Variants in WWC1 observed in about 807,000 individuals in gnomAD.
The protein encoded by WWC1 is WW and C2 domain containing 1.
A neutral mutation model predicts 138.4 loss-of-function variants in WWC1; 55 were observed. That is an observed-to-expected ratio of 0.40 (90% CI 0.32 to 0.50). The LOEUF is 0.50. Ranked by LOEUF, WWC1 falls within the 20% of genes least tolerant of loss-of-function variation. The pLI, the probability that WWC1 is intolerant of heterozygous loss-of-function variation, is 0.72. For synonymous variants in WWC1, 524 were observed against 564.9 expected (o/e 0.93, Z 1.03); for missense variants, 1,226 against 1,420.4 (o/e 0.86, Z 2.20).
chr5:168,466,576 A>G (rs1157123701), intron 21 of WWC1, among the ~76,000 whole-genome samples: 3 of 152,208 alleles, frequency 2.0e-5, no homozygotes, highest in Non-Finnish European at 2.9e-5. Flanking sequence ...GGGAGCTTCA[A>G]ACTGACTCTG....
chr5:168,357,323 C>CAT (rs1236720859), intron 1 of WWC1, among the ~76,000 whole-genome samples: 1 of 151,204 alleles, frequency 6.6e-6, no homozygotes, highest in Non-Finnish European at 1.5e-5. Flanking sequence ...CACACACACA[C>CAT]ACACACACAC....
At chr5:168,411,524 C>G (rs148162671) in intron 8 of WWC1, 4 of 152,314 alleles carry the variant, frequency 2.6e-5, no homozygotes, top group African/African-American at 9.6e-5. Flanking sequence ...AGATACCTAG[C>G]TTCAGGCACA....
intron 1 of WWC1, among the ~76,000 whole-genome samples, chr5:168,361,803 T>C (rs1456006739): frequency 6.6e-6 from 1 of 152,166 alleles, no homozygotes; most frequent in Non-Finnish European, 1.5e-5. Context: ...AATAAATCAC[T>C]GGGTGCGGTG....
chr5:168,468,925 C>T, intron 22 of WWC1, 26 bp from the exon 23 acceptor site: 2 of 1,613,354 alleles, frequency 1.2e-6, no homozygotes, highest in Non-Finnish European at 1.7e-6. Context: ...AAAACCCCTG[C>T]TCTAAAGGGA....
chr5:168,426,259 C>T (rs1269781861), intron 11 of WWC1, among the ~76,000 whole-genome samples: 1 of 152,140 alleles, frequency 6.6e-6, no homozygotes, highest in Non-Finnish European at 1.5e-5. Flanking sequence ...GGTGGCAAGC[C>T]TCAGAAAATT....
At chr5:168,311,775 A>G (rs1966489) in intron 1 of WWC1, among the ~76,000 whole-genome samples, 130,526 of 152,112 alleles carry the variant, frequency 0.86, 56,512 homozygotes, top group East Asian at 1. Context: ...TACTCAGGAG[A>G]CTGAGGCAGG....
At chr5:168,368,569 A>G (rs1234558955) in intron 1 of WWC1, among the ~76,000 whole-genome samples, 1 of 152,144 alleles carries the variant, frequency 6.6e-6, no homozygotes, top group Non-Finnish European at 1.5e-5. Context: ...ATGAGCCAGA[A>G]TGATCTCTCT....
intron 1 of WWC1, among the ~76,000 whole-genome samples, chr5:168,308,462 G>A (rs1282523994): frequency 6.6e-6 from 1 of 152,186 alleles, no homozygotes; most frequent in Non-Finnish European, 1.5e-5. Flanking sequence ...CATCTATAGT[G>A]ATGCCTCTTC....
At chr5:168,368,682 C>T (rs1334862965) in intron 1 of WWC1, among the ~76,000 whole-genome samples, 1 of 152,126 alleles carries the variant, frequency 6.6e-6, no homozygotes, top group Non-Finnish European at 1.5e-5. Context: ...CCTTCAGAGC[C>T]CCTTTCAAGG....
chr5:168,419,876 G>A (rs1780953300), intron 9 of WWC1, among the ~76,000 whole-genome samples: 1 of 152,210 alleles, frequency 6.6e-6, no homozygotes, highest in African/African-American at 2.4e-5. Context: ...TGGTCCAAAA[G>A]CCAGAGGTCT....
chr5:168,391,090 C>T (rs1210752024), intron 3 of WWC1, among the ~76,000 whole-genome samples: 1 of 152,208 alleles, frequency 6.6e-6, no homozygotes, highest in Non-Finnish European at 1.5e-5. Context: ...CAGTCAAATG[C>T]TAAGGCTCTT....
At chr5:168,368,432 C>T (rs1007649533) in intron 1 of WWC1, among the ~76,000 whole-genome samples, 2 of 152,180 alleles carry the variant, frequency 1.3e-5, no homozygotes, top group African/African-American at 4.8e-5. Flanking sequence ...ATGATCTATA[C>T]GCAGAAACAG....
intron 10 of WWC1, among the ~76,000 whole-genome samples, chr5:168,423,195 A>C (rs183442728): frequency 1.5e-3 from 233 of 151,348 alleles, no homozygotes; most frequent in Admixed American, 4.5e-3. Flanking sequence ...ATTTCAAGAA[A>C]GATATTAAGA....
At chr5:168,392,524 A>G (rs1306324924) in intron 3 of WWC1, among the ~76,000 whole-genome samples, 1 of 152,068 alleles carries the variant, frequency 6.6e-6, no homozygotes, top group Admixed American at 6.5e-5. Flanking sequence ...CCAACTCTAC[A>G]AAAAATTTAA....
chr5:168,314,252 C>T (rs1254357308), intron 1 of WWC1, among the ~76,000 whole-genome samples: 2 of 152,154 alleles, frequency 1.3e-5, no homozygotes, highest in Non-Finnish European at 2.9e-5. Context: ...CAAAGTAAGT[C>T]ACAGGCTGCC....
rs780919064 is a variant in WWC1, at chr5:168,444,526, A to G, written c.2466A>G (p.Ala822=). 1 of 1,601,284 alleles carries G rather than the reference A, an allele frequency of 6.2e-7. No individual in the cohort carries two copies. Among genetic ancestry groups the G allele is most frequent in the African/African-American group, 1.3e-5 (1 of 74,784 alleles). The change falls in exon 17 of 23, where the codon GCA becomes GCG. Residue 822 remains alanine, a synonymous_variant. Transcript: ENST00000265293. The part of the protein sequence containing the change: ...DAVSALLEQT[A]VELEKRQEGR... Reference sequence around the variant, plus strand: ...TGTCTGCTCTGTTGGAACAGACAGCAGTGGAGCTGGAGAAGAGGCAGGAGG... The same window carrying G: ...TGTCTGCTCTGTTGGAACAGACAGCGGTGGAGCTGGAGAAGAGGCAGGAGG...
At chr5:168,307,303 T>C (rs528781487) in intron 1 of WWC1, among the ~76,000 whole-genome samples, 36 of 152,312 alleles carry the variant, frequency 2.4e-4, no homozygotes, top group Admixed American at 2.0e-3. Context: ...TACCATCACG[T>C]AGGTCAGGCC....
At chr5:168,426,984 G>A (rs1781553437) in intron 11 of WWC1, among the ~76,000 whole-genome samples, 1 of 152,258 alleles carries the variant, frequency 6.6e-6, no homozygotes, top group South Asian at 2.1e-4. Flanking sequence ...CACGTGTTGA[G>A]TGCTTAGTTA....
intron 1 of WWC1, among the ~76,000 whole-genome samples, chr5:168,300,352 T>A (rs1259862667): frequency 6.6e-6 from 1 of 151,108 alleles, no homozygotes; most frequent in Non-Finnish European, 1.5e-5. Context: ...TCTCTAAAGA[T>A]GCAGGATGGG....
Sources: allele counts gnomAD v4.1 joint callset (sites outside exome capture counted in the v4.1 genomes callset), GRCh38; gene constraint gnomAD v4.1.1; transcripts MANE v1.5; gene names NCBI Gene and HGNC (gene_info 2026-07-23, HGNC 2026-07-21).